PPP1R13L: variants seen among roughly 807,000 people sequenced by gnomAD.
The protein encoded by PPP1R13L is relA-associated inhibitor.
In PPP1R13L, 50 loss-of-function variants were observed where a neutral mutation model predicts 80.9. The observed-to-expected ratio is 0.62, with a 90% CI of 0.49 to 0.78. PPP1R13L has a LOEUF of 0.78. Ranked by LOEUF, PPP1R13L falls within the 30% of genes least tolerant of loss-of-function variation. The pLI is 0.00. For missense variants in PPP1R13L, 1,200 were observed against 1,205.9 expected (o/e 1.00, Z 0.07); for synonymous variants, 602 against 534.3 (o/e 1.13, Z -1.75).
At chr19:45,393,450 G>C (rs1973020323) in intron 7 of PPP1R13L, among the ~76,000 whole-genome samples, 1 of 151,708 alleles carries the variant, frequency 6.6e-6, no homozygotes, top group South Asian at 2.1e-4. Flanking sequence ...AAATTAGTTG[G>C]GTGTGGTGGT....
intron 10 of PPP1R13L, 47 bp downstream of exon 10, chr19:45,385,777 G>T (rs1169828448): frequency 1.2e-6 from 2 of 1,608,212 alleles, no homozygotes; most frequent in African/African-American, 2.7e-5. Context: ...GAGAGGCTGC[G>T]CGTCCGCCCA....
At position 45,392,427 on chromosome 19, in the gene PPP1R13L, C is replaced by T; in HGVS notation, c.1355-87G>A. ...CACAACTTCCAGGGCATACAACCAGCACATGATTTTCTGTGTGACCTCAGG... is the reference window on the plus strand; with the variant it reads ...CACAACTTCCAGGGCATACAACCAGTACATGATTTTCTGTGTGACCTCAGG... On this transcript the variant is annotated intron_variant, in intron 7 of 12. Coordinates refer to ENST00000360957, the MANE Select transcript of PPP1R13L (RefSeq NM_006663.4). 2.9e-6 allele frequency: 4 copies of T among 1,369,862 alleles called. No homozygotes were observed. The South Asian group carries it at 3.6e-5, about 12-fold the overall frequency. The allele number at this position is 1,369,862 out of a possible 1,614,324, so 84.9% of individuals were successfully genotyped here.
At chr19:45,392,463 G>A in intron 7 of PPP1R13L, 123 bp from the exon 8 acceptor site, 1 of 989,586 alleles carries the variant, frequency 1.0e-6, no homozygotes, top group Non-Finnish European at 1.6e-6. Flanking sequence ...GAAGTTCCTT[G>A]CCCTCTCTGG....
At chr19:45,391,217 GGA>G (rs1972966654) in intron 8 of PPP1R13L, among the ~76,000 whole-genome samples, 1 of 151,940 alleles carries the variant, frequency 6.6e-6, no homozygotes, top group Non-Finnish European at 1.5e-5. Context: ...AAAAAATAGA[GGA>G]GAGAGCAGAG....
At chr19:45,384,056 G>C (rs1024976636) in intron 11 of PPP1R13L, among the ~76,000 whole-genome samples, 1 of 151,682 alleles carries the variant, frequency 6.6e-6, no homozygotes, top group Admixed American at 6.6e-5. Flanking sequence ...ATGAGCCACC[G>C]CGCCTGGCTT....
rs1018166667 is a variant in PPP1R13L at position 45,396,901 on chromosome 19, G to A, written c.356C>T (p.Ser119Leu). Reference sequence around the variant, plus strand: ...CAGGTAGAGCGGGGTGCGCGGCGACGACGGCCGTCCCTTGGGGGACAGCGG... The same window carrying A: ...CAGGTAGAGCGGGGTGCGCGGCGACAACGGCCGTCCCTTGGGGGACAGCGG... The part of the protein sequence containing the change: ...YSPLSPKGRP[S>L]SPRTPLYLQP... Residue 119 changes from serine to leucine, a missense_variant, in exon 4 of 13, where the codon TCG becomes TTG. Transcript: ENST00000360957. The surrounding 1 kb of genome is among the most constrained non-coding windows in gnomAD (Gnocchi z 5.3). 1.3e-6 allele frequency: 2 copies of A among 1,514,010 alleles called. No individual in the cohort carries two copies. Among genetic ancestry groups the A allele is most frequent in the South Asian group, 2.5e-5 (2 of 79,100 alleles). 93.8% of individuals were successfully genotyped at this position (1,514,010 alleles called of 1,614,324 possible). A position where few individuals can be genotyped will look rare whatever the true frequency, so the allele number is the denominator to read the frequency against.
intron 8 of PPP1R13L, among the ~76,000 whole-genome samples, chr19:45,386,631 CTTTTTTT>C (rs34881055): frequency 7.5e-6 from 1 of 133,632 alleles, no homozygotes; most frequent in Non-Finnish European, 1.6e-5. Context: ...TTCTTTTTCT[CTTTTTTT>C]TTTTTTTTTT....
intron 11 of PPP1R13L, 67 bp from the exon 12 acceptor site, chr19:45,382,793 G>A: frequency 4.0e-6 from 6 of 1,514,794 alleles, no homozygotes; most frequent in South Asian, 2.3e-5. Flanking sequence ...GGGCCACGTG[G>A]GGTCCAGGAC....
intron 3 of PPP1R13L, among the ~76,000 whole-genome samples, chr19:45,397,716 T>C (rs1413823670): frequency 6.6e-6 from 1 of 151,678 alleles, no homozygotes; most frequent in Admixed American, 6.6e-5. Flanking sequence ...TCTCTGAAAG[T>C]GTTGAGATTA....
At position 45,380,175 on chromosome 19, in the gene PPP1R13L, C is replaced by A; in HGVS notation, c.*15G>T. The A allele has an allele frequency of 3.7e-6, 6 of 1,613,734 alleles. No homozygotes were observed. The Admixed American group carries it at 1.0e-4, about 27-fold the overall frequency. On this transcript the variant is annotated 3_prime_UTR_variant, in exon 13 of 13. Coordinates refer to ENST00000360957, the MANE Select transcript of PPP1R13L (RefSeq NM_006663.4). The stretch of plus-strand genomic sequence containing the variant: ...TGCTTGTTTCTGTCAGCCTCAGAAA[C>A]CTCCTTCTATCCTGCTAGACTTTAC...
In PPP1R13L at chr19:45,397,375, TTTC is replaced by T. The variant is rs778629872; in HGVS notation, c.199-320_199-318del. ...TTCTTTCTTTCTTTCTTTCTCTCTCTTTCTTTTCTTTCTTTCTTTCCTCTCTCT... is the reference window on the plus strand; with the variant it reads ...TTCTTTCTTTCTTTCTTTCTCTCTCTTTTTCTTTCTTTCTTTCCTCTCTCT... On this transcript the variant is annotated intron_variant, in intron 3 of 12. Transcript: ENST00000360957. Among the ~76,000 whole-genome samples, 275 of 151,660 alleles carry T rather than the reference TTTC, an allele frequency of 1.8e-3. 3 individuals carry two copies. The highest frequency in any genetic ancestry group is 1.3e-3 in the Non-Finnish European group (86 of 67,908).
chr19:45,393,938 A>G lies in PPP1R13L; in HGVS notation c.1354+1498T>C, dbSNP rs1198547922. Among the ~76,000 whole-genome samples the G allele has an allele frequency of 3.9e-5, 6 of 152,096 alleles. No individual in the cohort carries two copies. In the South Asian group the frequency reaches 1.0e-3, roughly 26 times the overall value. On this transcript the variant is annotated intron_variant, in intron 7 of 12. Coordinates refer to ENST00000360957, the MANE Select transcript of PPP1R13L (RefSeq NM_006663.4). ...AACCCCAAAACACACACACATACAC[A>G]TTATTTCATTGAATCCCCGTCACAA...
chr19:45,381,243 G>C (rs1384748117), intron 12 of PPP1R13L, among the ~76,000 whole-genome samples: 3 of 150,458 alleles, frequency 2.0e-5, no homozygotes, highest in African/African-American at 7.3e-5. Flanking sequence ...TGTATTTTTA[G>C]TAGAGATGGA....
chr19:45,397,024 G>A lies in PPP1R13L; in HGVS notation c.233C>T (p.Pro78Leu), dbSNP rs751169530. 7.3e-7 allele frequency: 1 copy of A among 1,367,946 alleles called. No homozygotes were observed. The highest frequency in any genetic ancestry group is 1.9e-5 in the South Asian group (1 of 53,778). 84.7% of individuals were successfully genotyped at this position (1,367,946 alleles called of 1,614,324 possible). ...PRYSSSSIPE[P>L]FGSRGSPRKA... is the part of the protein sequence containing the mutation. The stretch of plus-strand genomic sequence containing the variant: ...CCGGGGGGACCCTCGGCTGCCGAAG[G>A]GCTCAGGGATCGAGCTGGAGCTGTA... The change falls in exon 4 of 13, where the codon CCC becomes CTC. Residue 78 changes from proline (P) to leucine (L), a missense_variant. Physicochemically the swap from Pro to Leu is moderately conservative, Grantham distance 98. Around this residue, in one of 5 missense-constraint regions of PPP1R13L, gnomAD observed 764 missense variants for 714.5 expected, o/e 1.07. Transcript: ENST00000360957.
chr19:45,388,806 C>T (rs1036011089), intron 8 of PPP1R13L, among the ~76,000 whole-genome samples: 3 of 151,848 alleles, frequency 2.0e-5, no homozygotes, highest in Admixed American at 1.3e-4. Context: ...GGCGCAATCT[C>T]GGCTCACTGC....
chr19:45,402,023 G>C (rs975815434), intron 1 of PPP1R13L: 2 of 152,114 alleles, frequency 1.3e-5, no homozygotes, highest in Non-Finnish European at 2.9e-5. Context: ...CCGTAAAATG[G>C]GGATGAAAGT....
At chr19:45,395,253 A>C (rs1384508424) in intron 7 of PPP1R13L, 183 bp downstream of exon 7, 2 of 785,644 alleles carry the variant, frequency 2.5e-6, no homozygotes, top group African/African-American at 3.4e-5. Context: ...GTCCACACTT[A>C]ACCTTTGAGC....
chr19:45,395,997 GAGA>G (rs1362254998), intron 6 of PPP1R13L, 111 bp from the exon 7 acceptor site: 2 of 1,283,498 alleles, frequency 1.6e-6, no homozygotes, highest in Non-Finnish European at 2.1e-6. Context: ...GGGAGTGAGG[GAGA>G]AGAAAGGGTG....
At position 45,392,069 on chromosome 19, in the gene PPP1R13L, C is replaced by T. The variant is rs116190202; in HGVS notation, c.1626G>A (p.Gln542=). The change falls in exon 8 of 13, where the codon CAG becomes CAA. Residue 542 remains glutamine (Q), a synonymous_variant. Coordinates refer to ENST00000360957, the MANE Select transcript of PPP1R13L (RefSeq NM_006663.4). ...AVALPPTHKK[Q]YQQIISRLFH... ...AGAGGCGGCTGATGATCTGCTGGTA[C>T]TGTTTCTTGTGGGTAGGGGGCAGGG... The T allele has an allele frequency of 5.8e-6, 9 of 1,541,920 alleles. No homozygotes were observed. The highest frequency in any genetic ancestry group is 4.5e-5 in the East Asian group (2 of 44,258).
Sources: gnomAD v4.1 joint callset for allele counts (sites outside exome capture counted in the v4.1 genomes callset) on GRCh38, gnomAD v4.1.1 for gene constraint, gnomAD v4.1.1 regional missense constraint, Gnocchi (gnomAD v3.1) non-coding constraint, MANE v1.5 for transcripts, NCBI Gene and HGNC (gene_info 2026-07-23, HGNC 2026-07-21) for gene names.